ASTN2: variants seen among roughly 807,000 people sequenced by gnomAD.
ASTN2 encodes the protein astrotactin 2.
ASTN2 carries 54 observed loss-of-function variants against 139.8 expected under a neutral mutation model. That is an observed-to-expected ratio of 0.39 (90% CI 0.31 to 0.48). The LOEUF (loss-of-function observed/expected upper bound fraction) is 0.48. ASTN2 is among the 20% of genes least tolerant of loss of function. The pLI is 0.95. For missense variants in ASTN2, 1,565 were observed against 1,725.1 expected, an observed-to-expected ratio of 0.91 and a Z score of 1.64; for synonymous variants, 756 against 719.5, an observed-to-expected ratio of 1.05 and a Z score of -0.81.
intron 3 of ASTN2, among the ~76,000 whole-genome samples, chr9:117,189,904 C>A (rs981291833): frequency 6.6e-6 from 1 of 152,058 alleles, no homozygotes; most frequent in African/African-American, 2.4e-5. Flanking sequence ...AGATACATAC[C>A]TTCTAGAAAG....
intron 11 of ASTN2, among the ~76,000 whole-genome samples, chr9:116,854,533 GGATGGTAGTGGGA>G (rs1225637761): frequency 6.6e-6 from 1 of 152,118 alleles, no homozygotes. Flanking sequence ...CAAAAGTAGG[GGATGGTAGTGGGA>G]GATGGTAGTG....
intron 13 of ASTN2, among the ~76,000 whole-genome samples, chr9:116,762,722 G>A (rs1451498788): frequency 6.6e-6 from 1 of 152,246 alleles, no homozygotes; most frequent in African/African-American, 2.4e-5. Flanking sequence ...GAGTAAATGG[G>A]TGGAGGGATG....
intron 16 of ASTN2, among the ~76,000 whole-genome samples, chr9:116,696,497 G>C (rs764047562): frequency 1.3e-5 from 2 of 151,900 alleles, no homozygotes; most frequent in African/African-American, 2.4e-5. Context: ...TTTATACTTT[G>C]TTAAGGTTGT....
chr9:117,322,376 A>G (rs1036748823), intron 1 of ASTN2, among the ~76,000 whole-genome samples: 1 of 152,194 alleles, frequency 6.6e-6, no homozygotes, highest in Non-Finnish European at 1.5e-5. Context: ...ATCACCTGCC[A>G]TGTGTCAGTC....
intron 4 of ASTN2, among the ~76,000 whole-genome samples, chr9:117,119,566 G>A (rs1200728706): frequency 6.6e-6 from 1 of 152,156 alleles, no homozygotes; most frequent in Admixed American, 6.5e-5. Context: ...ACCCTTACAA[G>A]TGCTAGAAAG....
At chr9:117,103,526 G>A (rs1009062920) in intron 4 of ASTN2, among the ~76,000 whole-genome samples, 1 of 152,160 alleles carries the variant, frequency 6.6e-6, no homozygotes, top group Admixed American at 6.5e-5. Flanking sequence ...GCCTATGAGA[G>A]TTAACTCACT....
At chr9:116,955,466 C>T (rs1352842282) in intron 10 of ASTN2, among the ~76,000 whole-genome samples, 1 of 152,190 alleles carries the variant, frequency 6.6e-6, no homozygotes, top group Non-Finnish European at 1.5e-5. Context: ...ATTGGCTTAG[C>T]TGTTTAAAGG....
chr9:117,016,624 C>CTATCTA lies in ASTN2; in HGVS notation c.1424-8366_1424-8365insTAGATA, dbSNP rs1415584557. Reference sequence around the variant, plus strand: ...TATATCTATATCTATATCTATCTATCTATATATATATATATATATATATAT... The same window carrying CTATCTA: ...TATATCTATATCTATATCTATCTATCTATCTATATATATATATATATATATATATAT... On this transcript the variant is annotated intron_variant, in intron 6 of 22. Transcript: ENST00000313400. Among the ~76,000 whole-genome samples, 23 of 19,998 alleles carry CTATCTA rather than the reference C, an allele frequency of 1.2e-3. 2 individuals carry two copies. The highest frequency in any genetic ancestry group is 4.0e-3 in the Admixed American group (7 of 1,742). The allele number at this position is 19,998 out of a possible 152,430, so 13.1% of individuals were successfully genotyped here.
chr9:116,997,842 A>G (rs1454892457), intron 7 of ASTN2, among the ~76,000 whole-genome samples: 2 of 152,186 alleles, frequency 1.3e-5, no homozygotes, highest in African/African-American at 2.4e-5. Flanking sequence ...TGTTATTGTC[A>G]CTTCAATGTT....
At chr9:116,778,314 T>A (rs1386784503) in intron 13 of ASTN2, among the ~76,000 whole-genome samples, 1 of 152,090 alleles carries the variant, frequency 6.6e-6, no homozygotes, top group Non-Finnish European at 1.5e-5. Flanking sequence ...CCAAAAAAAA[T>A]GAGCTGCAGG....
intron 20 of ASTN2, among the ~76,000 whole-genome samples, chr9:116,482,849 G>A (rs998661110): frequency 1.3e-5 from 2 of 152,204 alleles, no homozygotes; most frequent in African/African-American, 4.8e-5. Flanking sequence ...CCAGGGAGGT[G>A]AGGGCGGGTC....
chr9:116,442,818 C>T (rs914451416), intron 20 of ASTN2, among the ~76,000 whole-genome samples: 1 of 152,200 alleles, frequency 6.6e-6, no homozygotes, highest in East Asian at 1.9e-4. Context: ...GTCTCAGTTA[C>T]TGAGGGACAG....
chr9:116,582,086 T>G (rs1853974110), intron 19 of ASTN2: 1 of 152,200 alleles, frequency 6.6e-6, no homozygotes, highest in African/African-American at 2.4e-5. Flanking sequence ...CGAGTTTAAT[T>G]GATAATTTCA....
rs1176381574 is a variant in ASTN2 at position 116,619,031 on chromosome 9, G to C, written c.3207-559C>G. Among the ~76,000 whole-genome samples the C allele has an allele frequency of 2.6e-5, 4 of 151,988 alleles. 1 individual carries two copies. Among genetic ancestry groups the C allele is most frequent in the Non-Finnish European group, 4.4e-5 (3 of 68,010 alleles). Reference sequence around the variant, plus strand: ...GTTTAATTCCCTCATTTCACAAAAGGGGGAAAGGCTCAAAAAAAGGAAACA... The same window carrying C: ...GTTTAATTCCCTCATTTCACAAAAGCGGGAAAGGCTCAAAAAAAGGAAACA... On this transcript the variant is annotated intron_variant, in intron 18 of 22. Coordinates refer to ENST00000313400, the MANE Select transcript of ASTN2 (RefSeq NM_001365068.1).
chr9:117,282,583 C>T lies in ASTN2; in HGVS notation c.630+8743G>A, dbSNP rs558667330. Reference sequence around the variant, plus strand: ...GCACCCCCTGTAAAAGAATTGCACACCCCTGCCATTGGCTCTGGGCTTGGC... The same window carrying T: ...GCACCCCCTGTAAAAGAATTGCACATCCCTGCCATTGGCTCTGGGCTTGGC... On this transcript the variant is annotated intron_variant, in intron 2 of 22. Transcript: ENST00000313400. 1.3e-5 allele frequency among the ~76,000 whole-genome samples: 2 copies of T among 152,316 alleles called. 1 individual carries two copies. Among genetic ancestry groups the T allele is most frequent in the South Asian group, 4.1e-4 (2 of 4,824 alleles).
intron 19 of ASTN2, among the ~76,000 whole-genome samples, chr9:116,514,302 G>A (rs528640323): frequency 6.7e-6 from 1 of 148,664 alleles, no homozygotes; most frequent in Admixed American, 6.7e-5. Context: ...AGCAGCAGAG[G>A]CTGCAGAACA....
intron 10 of ASTN2, among the ~76,000 whole-genome samples, chr9:116,921,701 G>T (rs1038981717): frequency 2.0e-5 from 3 of 151,972 alleles, no homozygotes; most frequent in African/African-American, 7.3e-5. Flanking sequence ...TTACAATCGT[G>T]TTGGAAGGGG....
chr9:117,059,159 G>C (rs936543402), intron 5 of ASTN2, among the ~76,000 whole-genome samples: 1 of 152,196 alleles, frequency 6.6e-6, no homozygotes, highest in African/African-American at 2.4e-5. Context: ...CAAATGCAGA[G>C]TACAGTTGGG....
At chr9:117,248,656 C>A (rs931526858) in intron 2 of ASTN2, among the ~76,000 whole-genome samples, 2 of 152,272 alleles carry the variant, frequency 1.3e-5, no homozygotes, top group East Asian at 3.9e-4. Context: ...TCAGTGGCAC[C>A]TTTCTAGAGA....
Sources: gnomAD v4.1 joint callset for allele counts (sites outside exome capture counted in the v4.1 genomes callset) on GRCh38, gnomAD v4.1.1 for gene constraint, MANE v1.5 for transcripts, NCBI Gene and HGNC (gene_info 2026-07-23, HGNC 2026-07-21) for gene names.